Variants in ASTN2 observed in about 807,000 individuals in gnomAD.
ASTN2 encodes astrotactin 2, also known as astrotactin-2.
A neutral mutation model predicts 139.8 loss-of-function variants in ASTN2; 54 were observed. The ratio of observed to expected loss-of-function variants is 0.39; its 90% confidence interval spans 0.31 to 0.48. ASTN2 has a LOEUF of 0.48. Ranked by LOEUF, ASTN2 falls within the 20% of genes least tolerant of loss-of-function variation. ASTN2 has a pLI of 0.95. For synonymous variants in ASTN2, 756 were observed against 719.5 expected, an observed-to-expected ratio of 1.05 and a Z score of -0.81; for missense variants, 1,565 against 1,725.1, an observed-to-expected ratio of 0.91 and a Z score of 1.64.
intron 19 of ASTN2, among the ~76,000 whole-genome samples, chr9:116,592,372 A>AG (rs1394438233): frequency 6.6e-6 from 1 of 152,078 alleles, no homozygotes; most frequent in African/African-American, 2.4e-5. Flanking sequence ...GGGAGAGAGA[A>AG]GGGGGAGGTG....
intron 3 of ASTN2, among the ~76,000 whole-genome samples, chr9:117,177,162 G>T (rs541475399): frequency 6.6e-5 from 10 of 152,266 alleles, no homozygotes; most frequent in Middle Eastern, 3.4e-3. Flanking sequence ...GCCTCACCCA[G>T]ACCCTCTATG....
intron 3 of ASTN2, 85 bp downstream of exon 3, chr9:117,214,273 T>A: frequency 6.8e-7 from 1 of 1,468,318 alleles, no homozygotes; most frequent in Non-Finnish European, 9.2e-7. Flanking sequence ...ACACTGCCTG[T>A]AGTCCCCAAC....
At chr9:117,345,281 G>A (rs1422742576) in intron 1 of ASTN2, among the ~76,000 whole-genome samples, 1 of 152,080 alleles carries the variant, frequency 6.6e-6, no homozygotes, top group South Asian at 2.1e-4. Flanking sequence ...CCACAGTCTA[G>A]GTCCTAGGCC....
Position 116,699,256 on chromosome 9 carries a change from T to G in ASTN2, c.2806+26515A>C. The G allele has an allele frequency of 1.2e-6, 2 of 1,614,174 alleles. No individual in the cohort carries two copies. Among genetic ancestry groups the G allele is most frequent in the Non-Finnish European group, 8.5e-7 (1 of 1,180,028 alleles). On this transcript the variant is annotated intron_variant, in intron 16 of 22. Coordinates refer to ENST00000313400, the MANE Select transcript of ASTN2 (RefSeq NM_001365068.1). This position sits in a 1 kb window ranked among gnomAD's most constrained non-coding sequence, Gnocchi z 4.2. ...ACAGTTGATCGAGGATCAGGGGTGGTCAAATACAGCTGCCTATGTAGTGCT... is the reference window on the plus strand; with the variant it reads ...ACAGTTGATCGAGGATCAGGGGTGGGCAAATACAGCTGCCTATGTAGTGCT...
At chr9:116,678,053 C>T (rs1165249776) in intron 16 of ASTN2, among the ~76,000 whole-genome samples, 2 of 152,064 alleles carry the variant, frequency 1.3e-5, no homozygotes, top group South Asian at 2.1e-4. Flanking sequence ...AACTTTAATG[C>T]CTTTTTGTTC....
intron 5 of ASTN2, among the ~76,000 whole-genome samples, chr9:117,040,875 G>A (rs1006310253): frequency 6.6e-6 from 1 of 152,182 alleles, no homozygotes; most frequent in African/African-American, 2.4e-5. Flanking sequence ...AAGCTGATCA[G>A]TTCAAATGAA....
chr9:117,083,213 T>C (rs1349629937), intron 5 of ASTN2, among the ~76,000 whole-genome samples: 2 of 152,186 alleles, frequency 1.3e-5, no homozygotes, highest in Non-Finnish European at 2.9e-5. Context: ...TAGTTGATTA[T>C]GCAAATAAAA....
At chr9:117,238,698 G>A (rs146360111) in intron 2 of ASTN2, among the ~76,000 whole-genome samples, 2 of 152,170 alleles carry the variant, frequency 1.3e-5, no homozygotes, top group African/African-American at 2.4e-5. Context: ...CTTGACTTCA[G>A]AGAGTGGACT....
chr9:117,388,180 A>G (rs561724408), intron 1 of ASTN2, among the ~76,000 whole-genome samples: 64 of 152,194 alleles, frequency 4.2e-4, no homozygotes, highest in African/African-American at 1.4e-3. Context: ...CCATTGTGCA[A>G]ATGAGAACTC....
chr9:116,716,182 T>A (rs1454712988), intron 16 of ASTN2, among the ~76,000 whole-genome samples: 1 of 152,170 alleles, frequency 6.6e-6, no homozygotes, highest in Non-Finnish European at 1.5e-5. Flanking sequence ...ATTTTGCACC[T>A]GTTTGAATCA....
chr9:117,159,720 A>T (rs1830506607), intron 3 of ASTN2, among the ~76,000 whole-genome samples: 2 of 152,086 alleles, frequency 1.3e-5, no homozygotes, highest in Non-Finnish European at 1.5e-5. Flanking sequence ...AGATAAAGAA[A>T]CTAAAAGTCT....
At chr9:116,564,309 C>A (rs1374744234) in intron 19 of ASTN2, among the ~76,000 whole-genome samples, 1 of 152,172 alleles carries the variant, frequency 6.6e-6, no homozygotes, top group African/African-American at 2.4e-5. Flanking sequence ...GAACTGATTG[C>A]CTCCCAGTCA....
rs148561383 is a variant in ASTN2 at position 116,642,840 on chromosome 9, G to T, written c.3072+8688C>A. Reference sequence around the variant, plus strand: ...CTACAATCTTGAAAGACTCTATATGGTTTGCACAGCACCCGAATTTTACAA... The same window carrying T: ...CTACAATCTTGAAAGACTCTATATGTTTTGCACAGCACCCGAATTTTACAA... On this transcript the variant is annotated intron_variant, in intron 17 of 22. Coordinates refer to ENST00000313400, the MANE Select transcript of ASTN2 (RefSeq NM_001365068.1). 9.9e-4 allele frequency among the ~76,000 whole-genome samples: 151 copies of T among 152,212 alleles called. No individual in the cohort carries two copies. In the East Asian group the frequency reaches 0.021, roughly 22 times the overall value.
In ASTN2 at chr9:116,741,600, T is replaced by A. The variant is rs569435691; in HGVS notation, c.2397-8077A>T. 9.8e-5 allele frequency among the ~76,000 whole-genome samples: 15 copies of A among 152,318 alleles called. No individual in the cohort carries two copies. The East Asian group carries it at 2.9e-3, about 29-fold the overall frequency. On this transcript the variant is annotated intron_variant, in intron 13 of 22. Transcript: ENST00000313400. ...GACCTGTGTTCTCATCTTGGCTCTG[T>A]CACTGGCTGGCTGTGTGATGTGCAG...
intron 4 of ASTN2, among the ~76,000 whole-genome samples, chr9:117,112,633 T>A (rs1829278482): frequency 1.3e-5 from 2 of 152,086 alleles, no homozygotes; most frequent in Non-Finnish European, 2.9e-5. Context: ...CAGAAGTAAA[T>A]GTAAAAGATA....
chr9:116,983,894 C>G (rs899796029), intron 7 of ASTN2, among the ~76,000 whole-genome samples: 1 of 152,186 alleles, frequency 6.6e-6, no homozygotes, highest in African/African-American at 2.4e-5. Context: ...CCAAGGGCAG[C>G]TGAGTCCTGG....
chr9:116,785,231 C>T (rs548910989), intron 13 of ASTN2, among the ~76,000 whole-genome samples: 23 of 152,300 alleles, frequency 1.5e-4, no homozygotes, highest in African/African-American at 4.6e-4. Flanking sequence ...GGTGGCTCTT[C>T]ACCTCTCCGA....
intron 6 of ASTN2, among the ~76,000 whole-genome samples, chr9:117,031,314 C>G (rs998244653): frequency 2.0e-5 from 3 of 152,142 alleles, no homozygotes; most frequent in Non-Finnish European, 4.4e-5. Flanking sequence ...TTTACAGACA[C>G]AATTTCTTAT....
chr9:117,398,170 G>A (rs909340103), intron 1 of ASTN2, among the ~76,000 whole-genome samples: 4 of 152,152 alleles, frequency 2.6e-5, no homozygotes, highest in Non-Finnish European at 4.4e-5. Flanking sequence ...GAAATCTTGA[G>A]ATAGTTTCAG....
Sources: allele counts gnomAD v4.1 joint callset (sites outside exome capture counted in the v4.1 genomes callset), GRCh38; gene constraint gnomAD v4.1.1; non-coding constraint Gnocchi (gnomAD v3.1); transcripts MANE v1.5; gene names NCBI Gene and HGNC (gene_info 2026-07-23, HGNC 2026-07-21).